Variants in OR2L2 observed in about 807,000 individuals in gnomAD.
The protein encoded by OR2L2 is olfactory receptor family 2 subfamily L member 2.
For missense variants in OR2L2, 378 were observed against 375.2 expected (o/e 1.01, Z -0.06); for synonymous variants, 156 against 135.4 (o/e 1.15, Z -1.06).
At chr1:248,035,920 T>C (rs1189347007) in intron 2 of OR2L2, among the ~76,000 whole-genome samples, 1 of 152,196 alleles carries the variant, frequency 6.6e-6, no homozygotes, top group Non-Finnish European at 1.5e-5. Flanking sequence ...TATACTCTTG[T>C]AAATCCTGAT....
At position 248,039,042 on chromosome 1, in the gene OR2L2, G is replaced by A. The variant is rs6658141; in HGVS notation, c.775G>A (p.Val259Ile). Reference sequence around the variant, plus strand: ...CTATGCACCCTTTGCTTATACCTATGTACGTCCAAGATCCCTGCGATCTCC... The same window carrying A: ...CTATGCACCCTTTGCTTATACCTATATACGTCCAAGATCCCTGCGATCTCC... The part of the protein sequence containing the change: ...FYYAPFAYTY[V>I]RPRSLRSPTE... The change falls in exon 3 of 3, where the codon GTA becomes ATA. Residue 259 changes from valine to isoleucine, a missense_variant. Physicochemically the swap from Val to Ile is conservative, Grantham distance 29. Transcript: ENST00000641771. 1.9e-6 allele frequency: 3 copies of A among 1,613,722 alleles called. No individual in the cohort carries two copies. The highest frequency in any genetic ancestry group is 2.2e-5 in the East Asian group (1 of 44,850).
At chr1:248,031,681 T>G (rs1191907851) in intron 1 of OR2L2, among the ~76,000 whole-genome samples, 1 of 152,188 alleles carries the variant, frequency 6.6e-6, no homozygotes, top group Non-Finnish European at 1.5e-5. Flanking sequence ...TTCTTCAAGG[T>G]TCCTTCTCTA....
In OR2L2 at chr1:248,039,266, A is replaced by G; in HGVS notation, c.*60A>G. The G allele has an allele frequency of 1.4e-6, 2 of 1,467,398 alleles. No individual in the cohort carries two copies. The highest frequency in any genetic ancestry group is 2.3e-5 in the East Asian group (1 of 44,040). The allele number at this position is 1,467,398 out of a possible 1,614,324, so 90.9% of individuals were successfully genotyped here. ...TCATATCAACTTAGTAGTGTACAGC[A>G]GTGAAGAAAAACATTATTACATGCC... On this transcript the variant is annotated 3_prime_UTR_variant, in exon 3 of 3. Transcript: ENST00000641771.
chr1:248,034,400 A>G (rs1220105394), intron 1 of OR2L2, among the ~76,000 whole-genome samples: 2 of 151,852 alleles, frequency 1.3e-5, no homozygotes, highest in African/African-American at 4.9e-5. Context: ...ATCAGAAAGT[A>G]TCAGTTTTTC....
intron 2 of OR2L2, among the ~76,000 whole-genome samples, chr1:248,036,245 G>GT (rs374532705): frequency 1.0e-4 from 15 of 150,526 alleles, no homozygotes; most frequent in Admixed American, 3.3e-4. Context: ...AATCTTTTCA[G>GT]TTTTTTTTTC....
chr1:248,039,246 T>C lies in OR2L2; in HGVS notation c.*40T>C. ...TTAGAGTCAAAGCGCTAGGTTCATATCAACTTAGTAGTGTACAGCAGTGAA... is the reference window on the plus strand; with the variant it reads ...TTAGAGTCAAAGCGCTAGGTTCATACCAACTTAGTAGTGTACAGCAGTGAA... On this transcript the variant is annotated 3_prime_UTR_variant, in exon 3 of 3. Transcript: ENST00000641771. The C allele has an allele frequency of 6.4e-7, 1 of 1,560,102 alleles. No individual in the cohort carries two copies. The highest frequency in any genetic ancestry group is 8.7e-7 in the Non-Finnish European group (1 of 1,149,258).
intron 2 of OR2L2, among the ~76,000 whole-genome samples, chr1:248,038,011 T>C (rs73141395): frequency 0.037 from 5,561 of 152,288 alleles, 347 homozygotes; most frequent in African/African-American, 0.13. Flanking sequence ...TTCACATAAG[T>C]TTTATTACAG....
Position 248,038,856 on chromosome 1 carries a change from A to G in OR2L2, c.589A>G (p.Thr197Ala). Residue 197 changes from threonine (T) to alanine (A), a missense_variant, in exon 3 of 3, where the codon ACA becomes GCA. By Grantham distance (58) the Thr-to-Ala change is moderately conservative. Coordinates refer to ENST00000641771, the MANE Select transcript of OR2L2 (RefSeq NM_001385855.1). ...ACTDTWVYES[T>A]VFLSSTIFLV... ...CACAGACACTTGGGTCTATGAGAGCACAGTGTTTTTGAGCAGCACCATCTT... is the reference window on the plus strand; with the variant it reads ...CACAGACACTTGGGTCTATGAGAGCGCAGTGTTTTTGAGCAGCACCATCTT... The G allele has an allele frequency of 6.2e-7, 1 of 1,614,172 alleles. No individual in the cohort carries two copies. Among genetic ancestry groups the G allele is most frequent in the South Asian group, 1.1e-5 (1 of 91,082 alleles).
chr1:248,031,332 A>G (rs1283550254), intron 1 of OR2L2, among the ~76,000 whole-genome samples: 1 of 152,240 alleles, frequency 6.6e-6, no homozygotes, highest in East Asian at 1.9e-4. Context: ...GAGATATTGT[A>G]ACATCGCAGA....
chr1:248,039,349 A>G lies in OR2L2; in HGVS notation c.*143A>G. ...ATTTGTCTTTTAATTTAGTCTTGAC[A>G]ATATTATAATACATATTAATACATA... is the stretch of plus-strand genomic sequence containing the variant. On this transcript the variant is annotated 3_prime_UTR_variant, in exon 3 of 3. Coordinates refer to ENST00000641771, the MANE Select transcript of OR2L2 (RefSeq NM_001385855.1). 1.7e-6 allele frequency: 1 copy of G among 578,310 alleles called. No homozygotes were observed. Among genetic ancestry groups the G allele is most frequent in the Non-Finnish European group, 2.8e-6 (1 of 350,896 alleles). The allele number at this position is 578,310 out of a possible 1,614,324, so 35.8% of individuals were successfully genotyped here. A position where few individuals can be genotyped will look rare whatever the true frequency, so the allele number is the denominator to read the frequency against.
chr1:248,034,769 ATTG>A (rs1400722431), intron 1 of OR2L2, among the ~76,000 whole-genome samples: 1 of 152,056 alleles, frequency 6.6e-6, no homozygotes, highest in African/African-American at 2.4e-5. Flanking sequence ...TCATTTTTAG[ATTG>A]TTTATTGTTA....
intron 1 of OR2L2, among the ~76,000 whole-genome samples, chr1:248,033,609 GTTTTT>G (rs61098243): frequency 7.3e-6 from 1 of 136,192 alleles, no homozygotes. Context: ...GCTAATTTTT[GTTTTT>G]TTTTTTTTGT....
Position 248,038,987 on chromosome 1 carries a change from T to A in OR2L2, c.720T>A (p.Cys240Ter), listed in dbSNP as rs72763251. ...AEGRKKAYST[C>*]STHLTVVSFY... ...GGAGGAAGAAGGCCTATTCAACCTGTAGCACCCACCTCACTGTAGTGTCCT... is the reference window on the plus strand; with the variant it reads ...GGAGGAAGAAGGCCTATTCAACCTGAAGCACCCACCTCACTGTAGTGTCCT... The change falls in exon 3 of 3, where the codon TGT becomes TGA. Residue 240 changes from cysteine (C) to a stop codon, truncating the protein, a stop_gained. Coordinates refer to ENST00000641771, the MANE Select transcript of OR2L2 (RefSeq NM_001385855.1). LOFTEE classifies it low-confidence loss of function (END_TRUNC). 3.0e-5 allele frequency: 48 copies of A among 1,613,992 alleles called. No homozygotes were observed. In the African/African-American group the frequency reaches 3.3e-4, roughly 11 times the overall value.
chr1:248,034,360 C>A (rs1662698662), intron 1 of OR2L2, among the ~76,000 whole-genome samples: 1 of 152,058 alleles, frequency 6.6e-6, no homozygotes, highest in African/African-American at 2.4e-5. Flanking sequence ...GTGAAAAAAA[C>A]AAATCTGGAG....
chr1:248,035,236 G>A (rs888107879), intron 1 of OR2L2, among the ~76,000 whole-genome samples: 1 of 151,978 alleles, frequency 6.6e-6, no homozygotes, highest in Non-Finnish European at 1.5e-5. Context: ...GGATCACGAG[G>A]TCAGGAGATC....
At position 248,040,845 on chromosome 1, in the gene OR2L2, CAATTGGAAT is replaced by C. The variant is rs1662930325; in HGVS notation, c.*1643_*1651del. The stretch of plus-strand genomic sequence containing the variant: ...CGTTGTCCTAGAGTCATCTGTACTA[CAATTGGAAT>C]AATCATTTTCAAACAAGAACATTAA... On this transcript the variant is annotated 3_prime_UTR_variant, in exon 3 of 3. Transcript: ENST00000641771. The C allele has an allele frequency of 6.6e-6, 1 of 152,018 alleles. No individual in the cohort carries two copies. The highest frequency in any genetic ancestry group is 1.5e-5 in the Non-Finnish European group (1 of 68,002). 9.4% of individuals were successfully genotyped at this position (152,018 alleles called of 1,614,324 possible).
At chr1:248,031,459 T>C (rs1199163800) in intron 1 of OR2L2, among the ~76,000 whole-genome samples, 4 of 152,224 alleles carry the variant, frequency 2.6e-5, no homozygotes. Flanking sequence ...GCTTCTGCCT[T>C]AATGGGCAGT....
chr1:248,031,254 T>C (rs1030004861), intron 1 of OR2L2, among the ~76,000 whole-genome samples: 1 of 152,160 alleles, frequency 6.6e-6, no homozygotes, highest in Non-Finnish European at 1.5e-5. Context: ...TTTCTAACAA[T>C]AATATTATAT....
At chr1:248,030,696 G>A (rs942839815) in intron 1 of OR2L2, among the ~76,000 whole-genome samples, 2 of 152,098 alleles carry the variant, frequency 1.3e-5, no homozygotes, top group Admixed American at 6.6e-5. Flanking sequence ...GTGATCTAGA[G>A]AAGTTCGCTT....
Sources: allele counts gnomAD v4.1 joint callset (sites outside exome capture counted in the v4.1 genomes callset), GRCh38; gene constraint gnomAD v4.1.1; transcripts MANE v1.5; gene names NCBI Gene and HGNC (gene_info 2026-07-23, HGNC 2026-07-21).